Variants in INTS6 observed in about 807,000 individuals in gnomAD.
INTS6 encodes the protein integrator complex subunit 6.
In INTS6, 16 loss-of-function variants were observed where a neutral mutation model predicts 104.9. The observed-to-expected ratio is 0.15, with a 90% CI of 0.10 to 0.23. The LOEUF is 0.23. Ranked by LOEUF, INTS6 falls within the 10% of genes least tolerant of loss-of-function variation. INTS6 has a pLI of 1.00. For synonymous variants in INTS6, 324 were observed against 358.7 expected, an observed-to-expected ratio of 0.90 and a Z score of 1.09; for missense variants, 584 against 1,062.8, an observed-to-expected ratio of 0.55 and a Z score of 6.26.
At chr13:51,395,744 T>C (rs973415604) in intron 4 of INTS6, among the ~76,000 whole-genome samples, 30 of 152,360 alleles carry the variant, frequency 2.0e-4, no homozygotes, top group African/African-American at 7.2e-4. Flanking sequence ...AATTAATTAC[T>C]GGGTGCTGAA....
downstream of INTS6, among the ~76,000 whole-genome samples, chr13:51,351,485 G>T (rs539075838): frequency 6.6e-6 from 1 of 151,984 alleles, no homozygotes; most frequent in East Asian, 1.9e-4. Context: ...TATTTAAATT[G>T]GTTGTCTTTT....
At position 51,432,096 on chromosome 13, in the gene INTS6, T is replaced by G. The variant is rs190955107; in HGVS notation, c.340-1713A>C. ...TCAAACCTACCCAACTGCCACTCATTCCTTAAGGCCCAGTTTAAATCTCTG... is the reference window on the plus strand; with the variant it reads ...TCAAACCTACCCAACTGCCACTCATGCCTTAAGGCCCAGTTTAAATCTCTG... On this transcript the variant is annotated intron_variant, in intron 3 of 17. Coordinates refer to ENST00000311234, the MANE Select transcript of INTS6 (RefSeq NM_012141.3). Among the ~76,000 whole-genome samples, 57 of 152,260 alleles carry G rather than the reference T, an allele frequency of 3.7e-4. 1 individual carries two copies. The East Asian group carries it at 0.011, about 29-fold the overall frequency.
chr13:51,359,179 T>G (rs1955523875), downstream of INTS6, among the ~76,000 whole-genome samples: 1 of 151,778 alleles, frequency 6.6e-6, no homozygotes, highest in Non-Finnish European at 1.5e-5. Flanking sequence ...TTCAGGGGAG[T>G]AGAAAAAGAC....
At chr13:51,355,834 AAGGCTC>A (rs1448418269) in intron 3 of INTS6, among the ~76,000 whole-genome samples, 1 of 152,136 alleles carries the variant, frequency 6.6e-6, no homozygotes, top group African/African-American at 2.4e-5. Flanking sequence ...TGCCAACTCA[AAGGCTC>A]AGGTTTGTTT....
At chr13:51,350,881 C>T (rs182492325), downstream of INTS6, among the ~76,000 whole-genome samples, 2 of 152,206 alleles carry the variant, frequency 1.3e-5, no homozygotes, top group East Asian at 3.9e-4. Context: ...TGAAATTATA[C>T]AATTACATAT....
chr13:51,390,422 GCTA>G (rs1315285130), intron 5 of INTS6, among the ~76,000 whole-genome samples: 1 of 151,378 alleles, frequency 6.6e-6, no homozygotes, highest in Non-Finnish European at 1.5e-5. Flanking sequence ...TTTTAAAGTG[GCTA>G]CTATGAAATT....
chr13:51,391,849 A>T (rs1013274300), intron 5 of INTS6, among the ~76,000 whole-genome samples: 3 of 152,236 alleles, frequency 2.0e-5, no homozygotes, highest in African/African-American at 4.8e-5. Context: ...TAAAATACTT[A>T]AAAAATTCTT....
intron 16 of INTS6, 71 bp downstream of exon 16, chr13:51,368,868 T>A: frequency 7.1e-7 from 1 of 1,412,208 alleles, no homozygotes; most frequent in Non-Finnish European, 9.4e-7. Context: ...GTTACTTGAC[T>A]TTTTTTTTCT....
intron 6 of INTS6, among the ~76,000 whole-genome samples, chr13:51,388,781 C>T (rs1359827513): frequency 6.6e-6 from 1 of 152,174 alleles, no homozygotes; most frequent in Non-Finnish European, 1.5e-5. Context: ...CTCCTTATAT[C>T]CACTGGCTAT....
intron 3 of INTS6, chr13:51,446,293 A>G (rs994230329): frequency 5.9e-5 from 9 of 152,230 alleles, no homozygotes; most frequent in African/African-American, 2.2e-4. Flanking sequence ...AATGGCCAAC[A>G]AGCGTATGTT....
intron 3 of INTS6, chr13:51,450,681 A>G: frequency 1.0e-6 from 1 of 998,548 alleles, no homozygotes; most frequent in Non-Finnish European, 1.2e-6. Flanking sequence ...AGTGTCTCTA[A>G]GCCACTATAA....
At chr13:51,425,132 T>C (rs1436784223) in intron 4 of INTS6, among the ~76,000 whole-genome samples, 1 of 152,026 alleles carries the variant, frequency 6.6e-6, no homozygotes, top group Non-Finnish European at 1.5e-5. Context: ...ATGCACATCA[T>C]AATTATAATC....
chr13:51,451,533 G>C (rs1476575001), intron 2 of INTS6: 1 of 159,260 alleles, frequency 6.3e-6, no homozygotes, highest in Admixed American at 6.5e-5. Flanking sequence ...GGACGAATCT[G>C]ACAAGACCAA....
chr13:51,406,390 CCTAA>C (rs1290246771), intron 4 of INTS6, among the ~76,000 whole-genome samples: 4 of 148,630 alleles, frequency 2.7e-5, no homozygotes, highest in African/African-American at 1.0e-4. Flanking sequence ...TCCAATATTC[CCTAA>C]CTCAGTAAAA....
At chr13:51,385,078 T>C (rs1160254253) in intron 7 of INTS6, 1 of 156,074 alleles carries the variant, frequency 6.4e-6, no homozygotes, top group African/African-American at 2.4e-5. Context: ...CTATCTGCCT[T>C]CCCACCACCA....
At chr13:51,383,834 T>A in intron 7 of INTS6, 93 bp from the exon 8 acceptor site, 1 of 1,083,856 alleles carries the variant, frequency 9.2e-7, no homozygotes, top group Non-Finnish European at 1.3e-6. Context: ...AGTTCCTCCG[T>A]CTTGCTAGTA....
At chr13:51,390,770 C>G (rs768979104) in intron 5 of INTS6, among the ~76,000 whole-genome samples, 2 of 152,056 alleles carry the variant, frequency 1.3e-5, no homozygotes, top group Non-Finnish European at 2.9e-5. Context: ...AACAACTTAA[C>G]TGTATAAAAT....
At chr13:51,384,631 CAAAACCTGTTCTA>C (rs770900863) in intron 7 of INTS6, 14 of 456,570 alleles carry the variant, frequency 3.1e-5, no homozygotes, top group Non-Finnish European at 5.7e-5. Flanking sequence ...CCCCAAGCTA[CAAAACCTGTTCTA>C]AAAACCTAGC....
At chr13:51,377,866 A>G (rs1378275292) in intron 12 of INTS6, among the ~76,000 whole-genome samples, 7 of 152,248 alleles carry the variant, frequency 4.6e-5, no homozygotes, top group East Asian at 3.9e-4. Context: ...TGGGATAAAG[A>G]TATCTGTAAC....
Sources: allele counts gnomAD v4.1 joint callset (sites outside exome capture counted in the v4.1 genomes callset), GRCh38; gene constraint gnomAD v4.1.1; transcripts MANE v1.5; gene names NCBI Gene and HGNC (gene_info 2026-07-23, HGNC 2026-07-21).